SLC4A10: variants seen among roughly 807,000 people sequenced by gnomAD.
SLC4A10 encodes the protein sodium-driven chloride bicarbonate exchanger.
In SLC4A10, 42 loss-of-function variants were observed where a neutral mutation model predicts 137.7. That is an observed-to-expected ratio of 0.30 (90% confidence interval 0.24 to 0.39). The LOEUF (loss-of-function observed/expected upper bound fraction) is 0.39, where lower values mean the gene tolerates loss of function less well. SLC4A10 is among the 10% of genes least tolerant of loss of function. The pLI, the probability that SLC4A10 is intolerant of heterozygous loss-of-function variation, is 1.00. For synonymous variants in SLC4A10, 474 were observed against 464.1 expected, an observed-to-expected ratio of 1.02 and a Z score of -0.27; for missense variants, 925 against 1,355.0, an observed-to-expected ratio of 0.68 and a Z score of 4.98.
At chr2:161,745,025 T>G (rs1317816470) in intron 1 of SLC4A10, among the ~76,000 whole-genome samples, 1 of 152,158 alleles carries the variant, frequency 6.6e-6, no homozygotes, top group Non-Finnish European at 1.5e-5. Flanking sequence ...TGACAAGTCT[T>G]GTGTTGACAA....
chr2:161,705,911 A>G (rs1280020649), intron 1 of SLC4A10, among the ~76,000 whole-genome samples: 2 of 151,550 alleles, frequency 1.3e-5, no homozygotes, highest in African/African-American at 4.8e-5. Flanking sequence ...TTAGGGCCTA[A>G]AGTCTAGAGG....
chr2:161,726,675 G>A (rs1207233340), intron 1 of SLC4A10, among the ~76,000 whole-genome samples: 2 of 152,172 alleles, frequency 1.3e-5, no homozygotes, highest in Non-Finnish European at 1.5e-5. Context: ...TTGGGAGGCC[G>A]AGGCAGGCAG....
At chr2:161,845,239 A>C (rs908063924) in intron 4 of SLC4A10, among the ~76,000 whole-genome samples, 3 of 152,138 alleles carry the variant, frequency 2.0e-5, no homozygotes, top group African/African-American at 7.2e-5. Flanking sequence ...TTATGTATTT[A>C]TGTGTATGTA....
chr2:161,971,984 A>AT (rs1249099267), intron 23 of SLC4A10, among the ~76,000 whole-genome samples: 29 of 152,124 alleles, frequency 1.9e-4, no homozygotes, highest in Admixed American at 5.2e-4. Context: ...CTTTGGTCCA[A>AT]TTTTTTGCTG....
At chr2:161,635,201 A>G (rs565379888) in intron 1 of SLC4A10, among the ~76,000 whole-genome samples, 1 of 152,050 alleles carries the variant, frequency 6.6e-6, no homozygotes, top group Non-Finnish European at 1.5e-5. Flanking sequence ...AAGAAATTAG[A>G]ATGAGCCAAA....
chr2:161,738,221 A>G (rs946621844), intron 1 of SLC4A10, among the ~76,000 whole-genome samples: 1 of 152,174 alleles, frequency 6.6e-6, no homozygotes, highest in African/African-American at 2.4e-5. Context: ...TCTTTTTGTT[A>G]CTTGATGATC....
At chr2:161,709,035 TTTAA>T (rs2043999916) in intron 1 of SLC4A10, among the ~76,000 whole-genome samples, 1 of 151,484 alleles carries the variant, frequency 6.6e-6, no homozygotes, top group African/African-American at 2.4e-5. Context: ...TGTGTATGTG[TTTAA>T]ATTTGTGTTT....
rs143059822 is a variant in SLC4A10, at chr2:161,938,726, G to C, written c.1998-4066G>C. Among the ~76,000 whole-genome samples the C allele has an allele frequency of 4.2e-3, 637 of 150,430 alleles. 4 individuals are homozygous for C. The highest frequency in any genetic ancestry group is 0.015 in the African/African-American group (605 of 41,210). Reference sequence around the variant, plus strand: ...ATAGAAGAGAAAAAAAAAAAAGAGAGACAAAGCAAATATAAAAGAGATTTT... The same window carrying C: ...ATAGAAGAGAAAAAAAAAAAAGAGACACAAAGCAAATATAAAAGAGATTTT... On this transcript the variant is annotated intron_variant, in intron 15 of 26. Coordinates refer to ENST00000446997, the MANE Select transcript of SLC4A10 (RefSeq NM_001178015.2).
chr2:161,736,132 T>C (rs1335140578), intron 1 of SLC4A10, among the ~76,000 whole-genome samples: 2 of 152,120 alleles, frequency 1.3e-5, no homozygotes, highest in African/African-American at 4.8e-5. Context: ...CTTTTAAATA[T>C]ATATTTTTTC....
At chr2:161,759,633 A>G (rs2050035122) in intron 1 of SLC4A10, among the ~76,000 whole-genome samples, 2 of 152,002 alleles carry the variant, frequency 1.3e-5, no homozygotes, top group South Asian at 2.1e-4. Context: ...ATATCTGTTG[A>G]TCATTTTTAT....
intron 3 of SLC4A10, among the ~76,000 whole-genome samples, chr2:161,816,430 G>A (rs1374683062): frequency 6.6e-6 from 1 of 151,860 alleles, no homozygotes; most frequent in Non-Finnish European, 1.5e-5. Context: ...TATGAAGCAA[G>A]CATCAATTTA....
intron 1 of SLC4A10, among the ~76,000 whole-genome samples, chr2:161,720,743 C>G (rs988628740): frequency 6.6e-6 from 1 of 152,116 alleles, no homozygotes; most frequent in Non-Finnish European, 1.5e-5. Flanking sequence ...AAATTTTCCT[C>G]CATCCCTTTA....
At chr2:161,842,620 T>C (rs2059251192) in intron 4 of SLC4A10, among the ~76,000 whole-genome samples, 1 of 152,154 alleles carries the variant, frequency 6.6e-6, no homozygotes, top group African/African-American at 2.4e-5. Context: ...TTCCTCATGA[T>C]GTTTTGTATT....
intron 4 of SLC4A10, among the ~76,000 whole-genome samples, chr2:161,844,237 C>T (rs2059360218): frequency 2.0e-5 from 3 of 152,062 alleles, no homozygotes. Context: ...AGGATTATTA[C>T]ATCAGAACAA....
chr2:161,720,636 C>T (rs2045548378), intron 1 of SLC4A10, among the ~76,000 whole-genome samples: 1 of 151,938 alleles, frequency 6.6e-6, no homozygotes. Flanking sequence ...TATATAATGC[C>T]CTTCTTTGTC....
chr2:161,865,286 G>A (rs1371951060), intron 6 of SLC4A10, among the ~76,000 whole-genome samples: 1 of 151,990 alleles, frequency 6.6e-6, no homozygotes. Context: ...AGAGATGTTA[G>A]AATTATAACT....
intron 21 of SLC4A10, among the ~76,000 whole-genome samples, chr2:161,960,036 T>C (rs1696352457): frequency 6.6e-6 from 1 of 151,956 alleles, no homozygotes; most frequent in South Asian, 2.1e-4. Flanking sequence ...GGATTTAGGG[T>C]GGGCCCTAAA....
intron 4 of SLC4A10, among the ~76,000 whole-genome samples, chr2:161,848,736 CTA>C (rs2059643982): frequency 6.6e-6 from 1 of 151,978 alleles, no homozygotes; most frequent in South Asian, 2.1e-4. Context: ...TTCCATTGGT[CTA>C]TGTGTCTGTT....
chr2:161,795,706 C>A (rs2054698996), intron 2 of SLC4A10, among the ~76,000 whole-genome samples: 1 of 151,892 alleles, frequency 6.6e-6, no homozygotes, highest in African/African-American at 2.4e-5. Context: ...CTTTTTTGAA[C>A]CTCAATTTCA....
Sources: gnomAD v4.1 joint callset for allele counts (sites outside exome capture counted in the v4.1 genomes callset) on GRCh38, gnomAD v4.1.1 for gene constraint, MANE v1.5 for transcripts, NCBI Gene and HGNC (gene_info 2026-07-23, HGNC 2026-07-21) for gene names.